Variants in SLC26A7 observed in about 807,000 individuals in gnomAD.
The protein encoded by SLC26A7 is solute carrier family 26 member 7, also known as anion exchange transporter.
SLC26A7 carries 59 observed loss-of-function variants against 82.5 expected under a neutral mutation model. The observed-to-expected ratio is 0.72, with a 90% confidence interval of 0.58 to 0.89. The LOEUF is 0.89. SLC26A7 is among the 40% of genes least tolerant of loss of function. The probability of loss-of-function intolerance (pLI) is 0.00; values close to 1 mark genes in which losing one functional copy is unlikely to be tolerated. For synonymous variants in SLC26A7, 271 were observed against 274.3 expected (o/e 0.99, Z 0.12); for missense variants, 820 against 793.0 (o/e 1.03, Z -0.41).
chr8:91,289,338 A>G (rs1036241659), intron 3 of SLC26A7, 92 bp downstream of exon 3: 3 of 942,974 alleles, frequency 3.2e-6, no homozygotes, highest in Non-Finnish European at 5.1e-6. Context: ...TGTTAATGTC[A>G]CTGCTGAAAA....
At chr8:91,302,618 TC>T (rs1025127136) in intron 4 of SLC26A7, among the ~76,000 whole-genome samples, 2 of 152,124 alleles carry the variant, frequency 1.3e-5, no homozygotes, top group Admixed American at 1.3e-4. Context: ...TACAATTTGA[TC>T]TTTTGACAGA....
At chr8:91,227,455 C>A (rs1420458010) in intron 2 of SLC26A7, among the ~76,000 whole-genome samples, 3 of 152,126 alleles carry the variant, frequency 2.0e-5, no homozygotes, top group Non-Finnish European at 2.9e-5. Flanking sequence ...TTAATGAATT[C>A]TATTTATGTC....
chr8:91,248,300 A>T (rs776099176), upstream of SLC26A7, among the ~76,000 whole-genome samples: 1 of 152,142 alleles, frequency 6.6e-6, no homozygotes, highest in Non-Finnish European at 1.5e-5. Context: ...AAAGCTAGAG[A>T]TGTCATCTTT....
chr8:91,236,608 G>A (rs1810396611), intron 2 of SLC26A7, among the ~76,000 whole-genome samples: 1 of 151,176 alleles, frequency 6.6e-6, no homozygotes, highest in Non-Finnish European at 1.5e-5. Context: ...GTTCTTAATT[G>A]TTCATTATTG....
intron 3 of SLC26A7, among the ~76,000 whole-genome samples, chr8:91,294,382 T>G (rs1319415186): frequency 1.1e-4 from 17 of 152,084 alleles, no homozygotes; most frequent in Admixed American, 1.1e-3. Flanking sequence ...AATCATCATG[T>G]TTTTCTGAAT....
chr8:91,367,566 C>T, intron 14 of SLC26A7, among the ~76,000 whole-genome samples: 1 of 126,460 alleles, frequency 7.9e-6, no homozygotes, highest in South Asian at 2.3e-4. Flanking sequence ...GGAGTGTGGA[C>T]TTTGAGGCCA....
chr8:91,291,533 TTC>T (rs1811868300), intron 3 of SLC26A7, among the ~76,000 whole-genome samples: 1 of 152,216 alleles, frequency 6.6e-6, no homozygotes, highest in Non-Finnish European at 1.5e-5. Flanking sequence ...TAAAAACATT[TTC>T]TCTGTTAAAC....
intron 2 of SLC26A7, among the ~76,000 whole-genome samples, chr8:91,257,446 A>G (rs936933932): frequency 3.3e-5 from 5 of 152,024 alleles, no homozygotes; most frequent in African/African-American, 1.2e-4. Context: ...TCAGAGCACT[A>G]CTGTGGACAT....
intron 2 of SLC26A7, among the ~76,000 whole-genome samples, chr8:91,220,489 G>A (rs979146378): frequency 7.3e-5 from 11 of 150,974 alleles, no homozygotes; most frequent in Admixed American, 5.9e-4. Flanking sequence ...CATCCTATAA[G>A]TCCCCTCCCC....
At chr8:91,388,298 G>C (rs1052725984) in intron 15 of SLC26A7, among the ~76,000 whole-genome samples, 1 of 150,888 alleles carries the variant, frequency 6.6e-6, no homozygotes, top group South Asian at 2.1e-4. Context: ...CCAGGCTGGA[G>C]TGCAGTGGCG....
At chr8:91,267,338 A>G (rs1426729403) in intron 2 of SLC26A7, among the ~76,000 whole-genome samples, 1 of 151,894 alleles carries the variant, frequency 6.6e-6, no homozygotes, top group Non-Finnish European at 1.5e-5. Flanking sequence ...AATTGACATT[A>G]GTTTTTCTTT....
rs189150178 is a variant in SLC26A7, at chr8:91,287,300, T to G, written c.194-1836T>G. ...AATCCAGTTTTTAAACTAAGTTTGT[T>G]ATAGATTTTATTTGGGATAAACACA... On this transcript the variant is annotated intron_variant, in intron 2 of 18. Coordinates refer to ENST00000276609, the MANE Select transcript of SLC26A7 (RefSeq NM_052832.4). 2.6e-5 allele frequency among the ~76,000 whole-genome samples: 4 copies of G among 152,332 alleles called. No homozygotes were observed. In the East Asian group the frequency reaches 7.7e-4, roughly 29 times the overall value.
chr8:91,285,803 A>G (rs1811695174), intron 2 of SLC26A7, among the ~76,000 whole-genome samples: 1 of 152,186 alleles, frequency 6.6e-6, no homozygotes, highest in Non-Finnish European at 1.5e-5. Context: ...CTGATCTTAC[A>G]ATAAAAAGGT....
rs576227511 is a variant in SLC26A7 at position 91,363,706 on chromosome 8, A to G, written c.1488+168A>G. 2.6e-5 allele frequency among the ~76,000 whole-genome samples: 4 copies of G among 152,290 alleles called. No individual in the cohort carries two copies. The East Asian group carries it at 5.8e-4, about 22-fold the overall frequency. On this transcript the variant is annotated intron_variant, in intron 13 of 18. Coordinates refer to ENST00000276609, the MANE Select transcript of SLC26A7 (RefSeq NM_052832.4). Reference sequence around the variant, plus strand: ...GTGATCACAATATATGTGGCAAACTACATGCAACAAATCAATAGAACAAAA... The same window carrying G: ...GTGATCACAATATATGTGGCAAACTGCATGCAACAAATCAATAGAACAAAA...
At chr8:91,350,347 C>CT (rs970206605) in intron 9 of SLC26A7, among the ~76,000 whole-genome samples, 39 of 142,358 alleles carry the variant, frequency 2.7e-4, no homozygotes, top group East Asian at 8.2e-4. Flanking sequence ...TCCCAGGTTT[C>CT]TTTTTTTTTT....
chr8:91,279,123 GTGTATATATATATATATATATATATATA>G (rs1157590433), intron 2 of SLC26A7, among the ~76,000 whole-genome samples: 131 of 78,790 alleles, frequency 1.7e-3, no homozygotes, highest in African/African-American at 7.1e-3. Flanking sequence ...GTGTGTGTGT[GTGTATATATATATATATATATATATATA>G]TATATATATA....
chr8:91,227,778 C>T (rs868197435), intron 2 of SLC26A7, among the ~76,000 whole-genome samples: 16 of 152,180 alleles, frequency 1.1e-4, no homozygotes, highest in Middle Eastern at 3.4e-3. Flanking sequence ...TTTAATGAAG[C>T]TGGACTTAAT....
At chr8:91,324,862 G>C (rs1812892360) in intron 5 of SLC26A7, among the ~76,000 whole-genome samples, 1 of 152,146 alleles carries the variant, frequency 6.6e-6, no homozygotes, top group African/African-American at 2.4e-5. Flanking sequence ...AGAAAGATGA[G>C]AGAGACCCAG....
At chr8:91,369,866 G>A in intron 15 of SLC26A7, 33 bp downstream of exon 15, 2 of 1,544,378 alleles carry the variant, frequency 1.3e-6, no homozygotes, top group South Asian at 1.1e-5. Context: ...GAAAATCTAA[G>A]TGTTTACCTT....
Sources: gnomAD v4.1 joint callset for allele counts (sites outside exome capture counted in the v4.1 genomes callset) on GRCh38, gnomAD v4.1.1 for gene constraint, MANE v1.5 for transcripts, NCBI Gene and HGNC (gene_info 2026-07-23, HGNC 2026-07-21) for gene names.